PCNX2: variants seen among roughly 807,000 people sequenced by gnomAD.
PCNX2 encodes pecanex 2.
Under a neutral mutation model 223.8 loss-of-function variants are expected in PCNX2, and 168 were observed. The ratio of observed to expected loss-of-function variants is 0.75; its 90% CI spans 0.66 to 0.85. The LOEUF (loss-of-function observed/expected upper bound fraction) is 0.85, where lower values mean the gene tolerates loss of function less well. PCNX2 is among the 40% of genes least tolerant of loss of function. PCNX2 has a pLI of 0.00. For synonymous variants in PCNX2, 1,006 were observed against 1,052.6 expected (o/e 0.96, Z 0.86); for missense variants, 2,507 against 2,675.5 (o/e 0.94, Z 1.39).
chr1:233,032,966 C>T, intron 25 of PCNX2: 1 of 983,614 alleles, frequency 1.0e-6, no homozygotes, highest in East Asian at 1.1e-4. Context: ...GGAAAATGCA[C>T]TAATTGCGTT....
At chr1:233,007,420 G>A (rs1670322986) in intron 28 of PCNX2, among the ~76,000 whole-genome samples, 1 of 152,126 alleles carries the variant, frequency 6.6e-6, no homozygotes, top group South Asian at 2.1e-4. Context: ...CAAATACTCA[G>A]AATCTGATGT....
intron 21 of PCNX2, among the ~76,000 whole-genome samples, chr1:233,103,863 G>A (rs1674626121): frequency 1.3e-5 from 2 of 152,114 alleles, no homozygotes; most frequent in South Asian, 4.1e-4. Context: ...CTTCCAAACT[G>A]TTCTCTATAG....
intron 25 of PCNX2, among the ~76,000 whole-genome samples, chr1:233,035,094 A>G (rs1671406509): frequency 6.6e-6 from 1 of 152,192 alleles, no homozygotes; most frequent in African/African-American, 2.4e-5. Flanking sequence ...AAACATGGAG[A>G]TAATGGGACT....
At chr1:233,185,463 C>T (rs912001846) in intron 15 of PCNX2, among the ~76,000 whole-genome samples, 20 of 152,086 alleles carry the variant, frequency 1.3e-4, no homozygotes, top group Non-Finnish European at 2.6e-4. Context: ...CATCTCACCA[C>T]TTTTCATTTA....
chr1:233,122,081 C>T (rs1675827658), intron 21 of PCNX2, among the ~76,000 whole-genome samples: 1 of 147,698 alleles, frequency 6.8e-6, no homozygotes, highest in Admixed American at 6.8e-5. Flanking sequence ...AGTACACACA[C>T]ACACACACAC....
intron 12 of PCNX2, among the ~76,000 whole-genome samples, chr1:233,213,195 A>G (rs1423333719): frequency 1.3e-5 from 2 of 152,100 alleles, no homozygotes; most frequent in Non-Finnish European, 2.9e-5. Flanking sequence ...CTCACCCTAT[A>G]TATTTTTTTA....
At chr1:232,987,793 GGCCTTTCT>G (rs897494907) in intron 32 of PCNX2, among the ~76,000 whole-genome samples, 89 of 152,206 alleles carry the variant, frequency 5.8e-4, no homozygotes, top group African/African-American at 2.0e-3. Context: ...AGGCTGAAGG[GGCCTTTCT>G]GCCTCCTGTT....
intron 17 of PCNX2, among the ~76,000 whole-genome samples, chr1:233,174,376 A>G (rs1679346792): frequency 6.7e-6 from 1 of 148,302 alleles, no homozygotes; most frequent in African/African-American, 2.4e-5. Flanking sequence ...AAAAATGAAA[A>G]ATTTATATAT....
intron 1 of PCNX2, among the ~76,000 whole-genome samples, chr1:233,281,368 A>G (rs1402186325): frequency 6.6e-6 from 1 of 152,206 alleles, no homozygotes; most frequent in East Asian, 1.9e-4. Flanking sequence ...GATGGTAAAG[A>G]TCTGGGGAAA....
At chr1:233,061,598 C>T (rs1672406764) in intron 23 of PCNX2, among the ~76,000 whole-genome samples, 2 of 152,068 alleles carry the variant, frequency 1.3e-5, no homozygotes, top group Non-Finnish European at 2.9e-5. Flanking sequence ...GGCAGATGGT[C>T]TTGAATAAAA....
chr1:233,298,846 C>G (rs1662211569), upstream of PCNX2, among the ~76,000 whole-genome samples: 1 of 152,150 alleles, frequency 6.6e-6, no homozygotes, highest in Non-Finnish European at 1.5e-5. Context: ...CATGCCACTG[C>G]ACTCCAGCCT....
intron 9 of PCNX2, among the ~76,000 whole-genome samples, chr1:233,234,297 T>C (rs1042105761): frequency 6.6e-6 from 1 of 152,242 alleles, no homozygotes; most frequent in Non-Finnish European, 1.5e-5. Context: ...TAGAACTACA[T>C]TATTTTCCCA....
intron 25 of PCNX2, among the ~76,000 whole-genome samples, chr1:233,038,401 T>C (rs1426062694): frequency 6.6e-6 from 1 of 152,352 alleles, no homozygotes; most frequent in South Asian, 2.1e-4. Flanking sequence ...GCAGTTGTAT[T>C]ACCTTCTTTT....
rs374016286 is a variant in PCNX2, at chr1:233,218,337, C to G, written c.2505-153G>C. ...GATCTCAGCTCACTGCAAGCTCTGC[C>G]TCCCAGGTTCAAGCAATCCTCCTGC... On this transcript the variant is annotated intron_variant, in intron 10 of 33. Transcript: ENST00000258229. 9.2e-4 allele frequency: 269 copies of G among 290,928 alleles called. 1 individual carries two copies. Among genetic ancestry groups the G allele is most frequent in the African/African-American group, 5.5e-3 (239 of 43,296 alleles). 18.0% of individuals were successfully genotyped at this position (290,928 alleles called of 1,614,324 possible). A position where few individuals can be genotyped will look rare whatever the true frequency, so the allele number is the denominator to read the frequency against.
chr1:233,069,485 TA>T (rs1558201898), intron 23 of PCNX2, among the ~76,000 whole-genome samples: 1 of 152,044 alleles, frequency 6.6e-6, no homozygotes, highest in Non-Finnish European at 1.5e-5. Context: ...CACAAATTCT[TA>T]AAAAATGAAA....
At chr1:233,037,155 C>A (rs572530270) in intron 25 of PCNX2, among the ~76,000 whole-genome samples, 1 of 152,178 alleles carries the variant, frequency 6.6e-6, no homozygotes, top group Admixed American at 6.5e-5. Context: ...GACAGGGAAA[C>A]AGAGTGCTAA....
At chr1:233,015,833 T>C (rs1670637856) in intron 27 of PCNX2, among the ~76,000 whole-genome samples, 1 of 152,096 alleles carries the variant, frequency 6.6e-6, no homozygotes, top group Non-Finnish European at 1.5e-5. Flanking sequence ...ATGATCATTC[T>C]GCTGCACTCC....
chr1:233,101,749 C>A (rs1674494314), intron 21 of PCNX2, among the ~76,000 whole-genome samples: 1 of 152,170 alleles, frequency 6.6e-6, no homozygotes. Flanking sequence ...CATGCCAACC[C>A]AAAGGGAACA....
chr1:233,232,746 T>C, intron 9 of PCNX2: 1 of 918,136 alleles, frequency 1.1e-6, no homozygotes, highest in African/African-American at 1.8e-5. Context: ...ATGTAAATGC[T>C]ACCTTTATAT....
Sources: allele counts gnomAD v4.1 joint callset (sites outside exome capture counted in the v4.1 genomes callset), GRCh38; gene constraint gnomAD v4.1.1; transcripts MANE v1.5; gene names NCBI Gene and HGNC (gene_info 2026-07-23, HGNC 2026-07-21).